Variants in MYCBP2 observed in about 807,000 individuals in gnomAD.
The protein encoded by MYCBP2 is MYC binding protein 2, also known as E3 ubiquitin-protein ligase MYCBP2.
In MYCBP2, 120 loss-of-function variants were observed where a neutral mutation model predicts 525.3. That is an observed-to-expected ratio of 0.23 (90% CI 0.20 to 0.27). The LOEUF (loss-of-function observed/expected upper bound fraction) is 0.27, where lower values mean the gene tolerates loss of function less well. Among genes scored for constraint, MYCBP2 ranks in the 10% least tolerant of loss-of-function variants. The pLI, the probability that MYCBP2 is intolerant of heterozygous loss-of-function variation, is 1.00. For missense variants in MYCBP2, 4,149 were observed against 5,657.1 expected (o/e 0.73, Z 8.55); for synonymous variants, 1,894 against 1,955.8 (o/e 0.97, Z 0.83).
chr13:77,326,155 G>A lies in MYCBP2; in HGVS notation c.302+319C>T, dbSNP rs893927785. 6.6e-6 allele frequency among the ~76,000 whole-genome samples: 1 copy of A among 151,350 alleles called. No individual in the cohort carries two copies. Among genetic ancestry groups the A allele is most frequent in the Admixed American group, 6.6e-5 (1 of 15,180 alleles). On this transcript the variant is annotated intron_variant, in intron 1 of 82. Transcript: ENST00000544440. This position sits in a 1 kb window ranked among gnomAD's most constrained non-coding sequence, Gnocchi z 4.2. ...CCTCCTACCTCAACGATACACACACGTGTCACAGCCGACCAGCACCATCGC... is the reference window on the plus strand; with the variant it reads ...CCTCCTACCTCAACGATACACACACATGTCACAGCCGACCAGCACCATCGC...
chr13:77,086,373 A>G (rs2044279954), intron 62 of MYCBP2, among the ~76,000 whole-genome samples: 1 of 152,134 alleles, frequency 6.6e-6, no homozygotes, highest in Non-Finnish European at 1.5e-5. Flanking sequence ...GCTGCTTAAA[A>G]GATCTCTTTC....
intron 37 of MYCBP2, among the ~76,000 whole-genome samples, chr13:77,173,320 C>T (rs188687797): frequency 2.9e-4 from 44 of 152,310 alleles, no homozygotes; most frequent in African/African-American, 1.0e-3. Flanking sequence ...TTCTGAAACA[C>T]GTAACTCTTA....
At chr13:77,220,424 G>A (rs1453753771) in intron 20 of MYCBP2, among the ~76,000 whole-genome samples, 1 of 152,050 alleles carries the variant, frequency 6.6e-6, no homozygotes, top group East Asian at 1.9e-4. Context: ...CCAAGTGACA[G>A]AATCAGGACC....
chr13:77,088,909 G>A lies in MYCBP2; in HGVS notation c.10648C>T (p.His3550Tyr). The change falls in exon 61 of 83, where the codon CAT becomes TAT. Residue 3550 changes from histidine to tyrosine, a missense_variant. Physicochemically the swap from His to Tyr is moderately conservative, Grantham distance 83. This residue lies in a region of MYCBP2 where 509 missense variants were observed against 789.4 expected (regional missense o/e 0.64). Coordinates refer to ENST00000544440, the MANE Select transcript of MYCBP2 (RefSeq NM_015057.5). Reference protein sequence around the residue: ...QWPVLAFVIQHHDLEGLEIAM... With the variant: ...QWPVLAFVIQYHDLEGLEIAM... The stretch of plus-strand genomic sequence containing the variant: ...ATTTCAAGACCTTCTAGATCATGAT[G>A]TTGTATAACAAAAGCTAAAACTGGC... The A allele has an allele frequency of 1.2e-6, 2 of 1,613,374 alleles. No individual in the cohort carries two copies. The highest frequency in any genetic ancestry group is 8.5e-7 in the Non-Finnish European group (1 of 1,179,546).
intron 68 of MYCBP2, among the ~76,000 whole-genome samples, chr13:77,075,076 C>T (rs184563854): frequency 5.3e-4 from 80 of 152,222 alleles, no homozygotes; most frequent in African/African-American, 1.5e-3. Flanking sequence ...GGCACGGTGA[C>T]GTGCACCTGT....
chr13:77,236,853 C>G (rs1287527481), intron 17 of MYCBP2, among the ~76,000 whole-genome samples: 2 of 151,764 alleles, frequency 1.3e-5, no homozygotes, highest in Admixed American at 1.3e-4. Context: ...GGCAACATAG[C>G]AAGATCCTGC....
chr13:77,166,686 A>G (rs2058554051), intron 40 of MYCBP2, 132 bp from the exon 41 acceptor site: 2 of 503,162 alleles, frequency 4.0e-6, no homozygotes, highest in Non-Finnish European at 6.7e-6. Context: ...AAATTAAAAT[A>G]GAATAAAATG....
At chr13:77,130,982 T>C (rs933433557) in intron 52 of MYCBP2, among the ~76,000 whole-genome samples, 5 of 152,194 alleles carry the variant, frequency 3.3e-5, no homozygotes, top group Admixed American at 2.0e-4. Flanking sequence ...ACATGTACAA[T>C]GATATTTTAA....
chr13:77,317,559 T>C (rs952192110), intron 1 of MYCBP2, among the ~76,000 whole-genome samples: 19 of 152,230 alleles, frequency 1.2e-4, no homozygotes, highest in Non-Finnish European at 8.8e-5. Context: ...AGCTGTGCCA[T>C]CAAAGGACTG....
intron 52 of MYCBP2, among the ~76,000 whole-genome samples, chr13:77,130,332 G>A (rs1398356172): frequency 6.6e-6 from 1 of 151,516 alleles, no homozygotes; most frequent in African/African-American, 2.4e-5. Context: ...TTTAGATAAT[G>A]AAACTTTTCT....
chr13:77,095,290 C>A, intron 58 of MYCBP2, 68 bp downstream of exon 58: 1 of 1,570,454 alleles, frequency 6.4e-7, no homozygotes, highest in South Asian at 1.2e-5. Flanking sequence ...ACCGAACTAC[C>A]CTAGATATCA....
At chr13:77,135,768 C>T (rs538345305) in intron 52 of MYCBP2, among the ~76,000 whole-genome samples, 1 of 152,246 alleles carries the variant, frequency 6.6e-6, no homozygotes, top group South Asian at 2.1e-4. Context: ...CTATTCCCAT[C>T]CCCCCATGAC....
At chr13:77,246,844 C>T (rs779500753) in intron 15 of MYCBP2, among the ~76,000 whole-genome samples, 12 of 152,098 alleles carry the variant, frequency 7.9e-5, no homozygotes, top group Non-Finnish European at 1.8e-4. Context: ...TAATGTAACA[C>T]ATTAACAGAA....
chr13:77,077,499 A>C, intron 66 of MYCBP2, 112 bp from the exon 67 acceptor site: 1 of 1,292,300 alleles, frequency 7.7e-7, no homozygotes, highest in Non-Finnish European at 1.1e-6. Flanking sequence ...TGCACAGAGT[A>C]AAGGTTATGA....
chr13:77,141,023 A>G, intron 49 of MYCBP2, 80 bp from the exon 50 acceptor site: 2 of 981,378 alleles, frequency 2.0e-6, no homozygotes, highest in Non-Finnish European at 3.1e-6. Context: ...ATAAACATCC[A>G]CAGGCTATTT....
intron 4 of MYCBP2, among the ~76,000 whole-genome samples, chr13:77,274,164 C>T (rs1000314574): frequency 1.3e-5 from 2 of 152,146 alleles, no homozygotes; most frequent in Admixed American, 6.5e-5. Context: ...CATTTATACC[C>T]TAGAAAAACC....
chr13:77,067,249 C>A (rs574977070), intron 71 of MYCBP2, among the ~76,000 whole-genome samples: 1 of 152,142 alleles, frequency 6.6e-6, no homozygotes, highest in East Asian at 1.9e-4. Flanking sequence ...TTACTTTATT[C>A]CCCCATATTT....
intron 14 of MYCBP2, 148 bp downstream of exon 14, chr13:77,257,523 C>A: frequency 1.5e-6 from 1 of 684,758 alleles, no homozygotes; most frequent in Non-Finnish European, 2.2e-6. Context: ...ACTATCTACC[C>A]ATAAAATTTT....
Position 77,211,052 on chromosome 13 carries a change from G to C in MYCBP2, c.3416+115C>G. On this transcript the variant is annotated intron_variant, in intron 23 of 82. Transcript: ENST00000544440. The stretch of plus-strand genomic sequence containing the variant: ...CACTGAGACAGAATTGCAGTTATTA[G>C]ATAAACAGGAGAGTACTCACATGTG... The C allele has an allele frequency of 5.6e-6, 4 of 720,688 alleles. No individual in the cohort carries two copies. Among genetic ancestry groups the C allele is most frequent in the Non-Finnish European group, 5.9e-6 (3 of 509,082 alleles). The allele number at this position is 720,688 out of a possible 1,614,324, so 44.6% of individuals were successfully genotyped here.
Sources: gnomAD v4.1 joint callset for allele counts (sites outside exome capture counted in the v4.1 genomes callset) on GRCh38, gnomAD v4.1.1 for gene constraint, gnomAD v4.1.1 regional missense constraint, Gnocchi (gnomAD v3.1) non-coding constraint, MANE v1.5 for transcripts, NCBI Gene and HGNC (gene_info 2026-07-23, HGNC 2026-07-21) for gene names.